Variants in SGCZ observed in about 807,000 individuals in gnomAD.
SGCZ encodes the protein zeta-sarcoglycan.
Under a neutral mutation model 41.3 loss-of-function variants are expected in SGCZ, and 40 were observed. The observed-to-expected ratio is 0.97, with a 90% confidence interval of 0.75 to 1.26. The LOEUF (loss-of-function observed/expected upper bound fraction) is 1.26, where lower values mean the gene tolerates loss of function less well. SGCZ is among the 50% of genes most tolerant of loss of function. The probability of loss-of-function intolerance (pLI) is 0.00; values close to 1 mark genes in which losing one functional copy is unlikely to be tolerated. For synonymous variants in SGCZ, 206 were observed against 137.5 expected (o/e 1.50, Z -3.49); for missense variants, 552 against 369.8 (o/e 1.49, Z -4.04).
chr8:14,256,734 G>T (rs922454466), intron 3 of SGCZ, among the ~76,000 whole-genome samples: 1 of 152,064 alleles, frequency 6.6e-6, no homozygotes, highest in Non-Finnish European at 1.5e-5. Context: ...TAATCTGTTT[G>T]TCTCATTTCT....
intron 1 of SGCZ, among the ~76,000 whole-genome samples, chr8:15,027,213 A>G (rs935532503): frequency 1.3e-5 from 2 of 152,138 alleles, no homozygotes; most frequent in South Asian, 2.1e-4. Flanking sequence ...CACAATATGT[A>G]CTGACATTTT....
intron 5 of SGCZ, among the ~76,000 whole-genome samples, chr8:14,159,511 G>T (rs1231398770): frequency 6.6e-6 from 1 of 152,188 alleles, no homozygotes; most frequent in Non-Finnish European, 1.5e-5. Context: ...TAAGGGGAAG[G>T]TGGGGTGGTA....
chr8:14,837,272 C>G (rs987752770), intron 1 of SGCZ, among the ~76,000 whole-genome samples: 1 of 152,070 alleles, frequency 6.6e-6, no homozygotes, highest in Non-Finnish European at 1.5e-5. Context: ...GACATTTGCA[C>G]AAAGATCACA....
intron 1 of SGCZ, among the ~76,000 whole-genome samples, chr8:14,842,810 G>C (rs894549844): frequency 1.1e-4 from 17 of 152,146 alleles, no homozygotes; most frequent in African/African-American, 4.1e-4. Flanking sequence ...TTTCAGGAGA[G>C]GCTATTATAG....
At chr8:14,688,276 A>G (rs1036016509) in intron 1 of SGCZ, among the ~76,000 whole-genome samples, 1 of 152,282 alleles carries the variant, frequency 6.6e-6, no homozygotes, top group Non-Finnish European at 1.5e-5. Context: ...GCCCATGCCT[A>G]TGTCCTGAAT....
At chr8:14,744,286 C>G (rs1016882726) in intron 1 of SGCZ, among the ~76,000 whole-genome samples, 1 of 152,114 alleles carries the variant, frequency 6.6e-6, no homozygotes, top group Non-Finnish European at 1.5e-5. Flanking sequence ...ATTGAAAACG[C>G]CAAATGTGCC....
At chr8:14,118,692 T>C (rs1469455561) in intron 5 of SGCZ, among the ~76,000 whole-genome samples, 1 of 152,222 alleles carries the variant, frequency 6.6e-6, no homozygotes, top group Non-Finnish European at 1.5e-5. Flanking sequence ...TTTATGGTTT[T>C]AGGTGTTACA....
intron 3 of SGCZ, among the ~76,000 whole-genome samples, chr8:14,320,080 G>A (rs939679183): frequency 3.3e-5 from 5 of 151,532 alleles, no homozygotes; most frequent in East Asian, 3.9e-4. Flanking sequence ...ATTATATACC[G>A]GTGATATGTT....
At chr8:15,050,623 G>A (rs538798384) in intron 1 of SGCZ, among the ~76,000 whole-genome samples, 1 of 152,238 alleles carries the variant, frequency 6.6e-6, no homozygotes, top group South Asian at 2.1e-4. Context: ...GTGATATTGA[G>A]AGTTTTCAAC....
At chr8:14,372,628 C>T (rs896359977) in intron 2 of SGCZ, among the ~76,000 whole-genome samples, 1 of 152,074 alleles carries the variant, frequency 6.6e-6, no homozygotes, top group African/African-American at 2.4e-5. Context: ...GAATAGATAG[C>T]ATTTTGAACA....
intron 1 of SGCZ, among the ~76,000 whole-genome samples, chr8:15,006,827 G>A (rs1238615770): frequency 6.6e-6 from 1 of 152,088 alleles, no homozygotes; most frequent in Non-Finnish European, 1.5e-5. Context: ...TATTAATACT[G>A]GAAACCATAC....
At position 14,129,727 on chromosome 8, in the gene SGCZ, C is replaced by A. The variant is rs75760951; in HGVS notation, c.548-21492G>T. ...AAAAAAGACATTAAGAAAGTAATTC[C>A]ATTGACAATAACATATAAAATAATA... On this transcript the variant is annotated intron_variant, in intron 5 of 7. Coordinates refer to ENST00000382080, the MANE Select transcript of SGCZ (RefSeq NM_139167.4). 3.6e-4 allele frequency among the ~76,000 whole-genome samples: 54 copies of A among 150,856 alleles called. No homozygotes were observed. The East Asian group carries it at 9.9e-3, about 28-fold the overall frequency.
At position 14,436,695 on chromosome 8, in the gene SGCZ, G is replaced by C. The variant is rs182237509; in HGVS notation, c.235-112491C>G. ...GACTGTCATTCGCACTGCAGTAACAGTTACTAATTTCATTAAATCTTGACC... is the reference window on the plus strand; with the variant it reads ...GACTGTCATTCGCACTGCAGTAACACTTACTAATTTCATTAAATCTTGACC... On this transcript the variant is annotated intron_variant, in intron 2 of 7. Transcript: ENST00000382080. Among the ~76,000 whole-genome samples, 6 of 152,306 alleles carry C rather than the reference G, an allele frequency of 3.9e-5. No individual in the cohort carries two copies. The East Asian group carries it at 9.7e-4, about 25-fold the overall frequency.
At chr8:14,724,382 A>C (rs1809986282) in intron 1 of SGCZ, among the ~76,000 whole-genome samples, 1 of 151,960 alleles carries the variant, frequency 6.6e-6, no homozygotes, top group Non-Finnish European at 1.5e-5. Flanking sequence ...ATAAAAATTC[A>C]GAGAGAATAA....
intron 1 of SGCZ, among the ~76,000 whole-genome samples, chr8:14,855,569 C>T (rs994841327): frequency 3.9e-5 from 6 of 152,130 alleles, no homozygotes; most frequent in African/African-American, 1.4e-4. Flanking sequence ...CTAGGCATCC[C>T]TTCTAGCCAC....
intron 1 of SGCZ, among the ~76,000 whole-genome samples, chr8:14,903,017 G>T (rs1799017732): frequency 1.3e-5 from 2 of 152,114 alleles, no homozygotes; most frequent in African/African-American, 4.8e-5. Flanking sequence ...TAAATTAACA[G>T]TATATAAATA....
rs1241613200 is a variant in SGCZ at position 14,086,954 on chromosome 8, T to TAA, written c.*3487_*3488dup. The stretch of plus-strand genomic sequence containing the variant: ...TAGTTTGATATACCCCTCTCACAGA[T>TAA]AAGTGAACTGTGACCAACGTAATTA... On this transcript the variant is annotated 3_prime_UTR_variant, in exon 8 of 8. Transcript: ENST00000382080. Among the ~76,000 whole-genome samples, 1 of 151,646 alleles carries TAA rather than the reference T, an allele frequency of 6.6e-6. No individual in the cohort carries two copies. Among genetic ancestry groups the TAA allele is most frequent in the Admixed American group, 6.6e-5 (1 of 15,186 alleles).
At chr8:14,692,233 G>A (rs1393125888) in intron 1 of SGCZ, among the ~76,000 whole-genome samples, 1 of 151,890 alleles carries the variant, frequency 6.6e-6, no homozygotes, top group Non-Finnish European at 1.5e-5. Flanking sequence ...AAATCATTAA[G>A]ATTAATGATA....
chr8:14,099,939 A>G lies in SGCZ; in HGVS notation c.744+2437T>C, dbSNP rs540183432. ...ATTTCACATACAATTTCATTCTTCT[A>G]CATTTCATCCATCATTTCATCCATC... On this transcript the variant is annotated intron_variant, in intron 7 of 7. Coordinates refer to ENST00000382080, the MANE Select transcript of SGCZ (RefSeq NM_139167.4). Among the ~76,000 whole-genome samples, 8 of 151,826 alleles carry G rather than the reference A, an allele frequency of 5.3e-5. No homozygotes were observed. The South Asian group carries it at 1.2e-3, about 24-fold the overall frequency.
Sources: gnomAD v4.1 joint callset for allele counts (sites outside exome capture counted in the v4.1 genomes callset) on GRCh38, gnomAD v4.1.1 for gene constraint, MANE v1.5 for transcripts, NCBI Gene and HGNC (gene_info 2026-07-23, HGNC 2026-07-21) for gene names.